The following PGBD5 variants were observed in gnomAD, a reference collection of about 807,000 sequenced individuals.
PGBD5 encodes the protein piggyBac transposable element derived 5.
Under a neutral mutation model 47.9 loss-of-function variants are expected in PGBD5, and 14 were observed. The observed-to-expected ratio is 0.29, with a 90% CI of 0.19 to 0.46. The LOEUF (loss-of-function observed/expected upper bound fraction) is 0.46. Ranked by LOEUF, PGBD5 falls within the 20% of genes least tolerant of loss-of-function variation. PGBD5 has a pLI of 1.00. For missense variants in PGBD5, 635 were observed against 716.0 expected (o/e 0.89, Z 1.29); for synonymous variants, 316 against 306.3 (o/e 1.03, Z -0.33).
Position 230,315,933 on chromosome 1 carries a change from T to TACATATGTATATGTGTACAC in PGBD5, c.*7491_*7492insGTGTACACATATACATATGT, listed in dbSNP as rs755284271. The TACATATGTATATGTGTACAC allele has an allele frequency of 8.1e-6, 1 of 123,092 alleles. No individual in the cohort carries two copies. The highest frequency in any genetic ancestry group is 3.0e-5 in the African/African-American group (1 of 32,820). 7.6% of individuals were successfully genotyped at this position (123,092 alleles called of 1,614,324 possible). A position where few individuals can be genotyped will look rare whatever the true frequency, so the allele number is the denominator to read the frequency against. ...ATGTATATGTGTATATGTGTACACATATATGTATGTGTATACATACATAAG... is the reference window on the plus strand; with the variant it reads ...ATGTATATGTGTATATGTGTACACATACATATGTATATGTGTACACATATGTATGTGTATACATACATAAG... On this transcript the variant is annotated 3_prime_UTR_variant, in exon 7 of 7. Transcript: ENST00000391860.
rs1442075682 is a variant in PGBD5 at position 230,351,297 on chromosome 1, G to A, written c.760-205C>T. ...ACTGTTTCCAGAAAGGATGCAGTAA[G>A]AAAGGATTCAACATGCAAAATAGCA... is the stretch of plus-strand genomic sequence containing the variant. On this transcript the variant is annotated intron_variant, in intron 2 of 6. Transcript: ENST00000391860. Among the ~76,000 whole-genome samples the A allele has an allele frequency of 2.0e-5, 3 of 152,228 alleles. No homozygotes were observed. In the East Asian group the frequency reaches 5.8e-4, roughly 29 times the overall value.
At chr1:230,364,127 C>T (rs1667790806) in intron 1 of PGBD5, among the ~76,000 whole-genome samples, 1 of 152,236 alleles carries the variant, frequency 6.6e-6, no homozygotes, top group African/African-American at 2.4e-5. Flanking sequence ...TTGTTCACAA[C>T]TAAGTGACCA....
chr1:230,347,629 G>A (rs924552379), intron 3 of PGBD5, among the ~76,000 whole-genome samples: 35 of 151,908 alleles, frequency 2.3e-4, no homozygotes, highest in African/African-American at 5.8e-4. Context: ...ACAGGCATGC[G>A]CCACCATGCC....
intron 1 of PGBD5, among the ~76,000 whole-genome samples, chr1:230,404,099 T>C (rs958808788): frequency 5.0e-4 from 76 of 152,106 alleles, no homozygotes; most frequent in African/African-American, 1.6e-3. Flanking sequence ...GAGTGGAAGA[T>C]GCCGGGTGGA....
chr1:230,332,849 T>A lies in PGBD5; in HGVS notation c.1268A>T (p.Gln423Leu), dbSNP rs1667243062. The A allele has an allele frequency of 1.9e-6, 3 of 1,614,194 alleles. No individual in the cohort carries two copies. The highest frequency in any genetic ancestry group is 2.5e-6 in the Non-Finnish European group (3 of 1,180,018). The change falls in exon 5 of 7, where the codon CAG becomes CTG. Residue 423 changes from glutamine (Q) to leucine (L), a missense_variant. Coordinates refer to ENST00000391860, the MANE Select transcript of PGBD5 (RefSeq NM_001258311.2). ...RFLTNAYSPV[Q>L]QGVIIKRKSG... Reference sequence around the variant, plus strand: ...AATGGCGGACCCGCACTCACCCTGCTGCACCGGGGAGTAGGCGTTGGTCAG... The same window carrying A: ...AATGGCGGACCCGCACTCACCCTGCAGCACCGGGGAGTAGGCGTTGGTCAG...
At chr1:230,389,432 C>T (rs916244024) in intron 1 of PGBD5, among the ~76,000 whole-genome samples, 2 of 152,144 alleles carry the variant, frequency 1.3e-5, no homozygotes, top group Non-Finnish European at 2.9e-5. Flanking sequence ...CTCAGCCTCC[C>T]AAAGTGCTGG....
At chr1:230,402,608 C>A (rs757379590) in intron 1 of PGBD5, among the ~76,000 whole-genome samples, 40 of 152,036 alleles carry the variant, frequency 2.6e-4, no homozygotes, top group Non-Finnish European at 4.7e-4. Context: ...TACATACCAC[C>A]ACTCCTGGCT....
intron 1 of PGBD5, among the ~76,000 whole-genome samples, chr1:230,393,653 G>A (rs1042205682): frequency 5.9e-5 from 9 of 151,876 alleles, no homozygotes; most frequent in East Asian, 5.8e-4. Flanking sequence ...GTGAAACCCC[G>A]TCTCTACTAA....
intron 1 of PGBD5, among the ~76,000 whole-genome samples, chr1:230,408,899 T>C (rs1657352614): frequency 6.6e-6 from 1 of 152,064 alleles, no homozygotes; most frequent in Non-Finnish European, 1.5e-5. Context: ...AAGGACATCA[T>C]GAAGAGAGTG....
chr1:230,341,936 T>C (rs554476131), intron 3 of PGBD5, among the ~76,000 whole-genome samples: 1 of 152,330 alleles, frequency 6.6e-6, no homozygotes, highest in Admixed American at 6.5e-5. Flanking sequence ...TGCAAGTTTA[T>C]TACTATATGG....
intron 1 of PGBD5, among the ~76,000 whole-genome samples, chr1:230,416,487 T>C (rs575313124): frequency 6.6e-6 from 1 of 152,300 alleles, no homozygotes; most frequent in Admixed American, 6.5e-5. Flanking sequence ...CCACACATGA[T>C]AAATAAATTA....
At chr1:230,411,091 A>T (rs962220323) in intron 1 of PGBD5, among the ~76,000 whole-genome samples, 1 of 152,166 alleles carries the variant, frequency 6.6e-6, no homozygotes, top group Admixed American at 6.5e-5. Context: ...AGCCTAGGCA[A>T]CATAGCAAGA....
chr1:230,360,988 G>A (rs1301158292), intron 1 of PGBD5, among the ~76,000 whole-genome samples: 1 of 152,162 alleles, frequency 6.6e-6, no homozygotes, highest in African/African-American at 2.4e-5. Context: ...GCAGCCCAAG[G>A]GCATCCACTC....
At chr1:230,384,181 A>C (rs1656582021) in intron 1 of PGBD5, among the ~76,000 whole-genome samples, 1 of 152,228 alleles carries the variant, frequency 6.6e-6, no homozygotes, top group Non-Finnish European at 1.5e-5. Context: ...TTTAGGTTAC[A>C]TTTAAAAGTA....
chr1:230,375,652 C>CTTT lies in PGBD5; in HGVS notation c.332-18334_332-18332dup, dbSNP rs199545872. Among the ~76,000 whole-genome samples, 260 of 105,650 alleles carry CTTT rather than the reference C, an allele frequency of 2.5e-3. 19 individuals carry two copies. The highest frequency in any genetic ancestry group is 9.9e-3 in the African/African-American group (223 of 22,414). The allele number at this position is 105,650 out of a possible 152,430, so 69.3% of individuals were successfully genotyped here. ...AAGGTCATCTGAGCTTCCTATTTGA[C>CTTT]TTTTTTTTTTTTTTTTTTTTTTTTT... On this transcript the variant is annotated intron_variant, in intron 1 of 6. Transcript: ENST00000391860.
intron 4 of PGBD5, among the ~76,000 whole-genome samples, chr1:230,335,790 CAGGCACAAAG>C (rs200009731): frequency 3.5e-5 from 4 of 115,154 alleles, no homozygotes; most frequent in African/African-American, 8.5e-5. Context: ...CACACACACA[CAGGCACAAAG>C]ACACACAGAC....
intron 1 of PGBD5, among the ~76,000 whole-genome samples, chr1:230,403,353 A>G (rs1657190614): frequency 6.6e-6 from 1 of 152,210 alleles, no homozygotes; most frequent in African/African-American, 2.4e-5. Flanking sequence ...CAGGTATCTG[A>G]GTGAAGATGG....
intron 5 of PGBD5, 34 bp downstream of exon 5, chr1:230,332,810 C>T (rs774648039): frequency 8.4e-5 from 135 of 1,612,466 alleles, no homozygotes; most frequent in Non-Finnish European, 1.0e-4. Context: ...AATCCCCGCG[C>T]GCCCCACTGT....
At position 230,323,441 on chromosome 1, in the gene PGBD5, G is replaced by T. The variant is rs549741377; in HGVS notation, c.1559C>A (p.Ala520Asp). 3.0e-5 allele frequency: 49 copies of T among 1,613,774 alleles called. No individual in the cohort carries two copies. In the South Asian group the frequency reaches 5.2e-4, roughly 17 times the overall value. Residue 520 changes from alanine to aspartate, a missense_variant, in exon 7 of 7, where the codon GCC becomes GAC. By Grantham distance (126) the Ala-to-Asp change is moderately radical. Coordinates refer to ENST00000391860, the MANE Select transcript of PGBD5 (RefSeq NM_001258311.2). This position sits in a 1 kb window ranked among gnomAD's most constrained non-coding sequence, Gnocchi z 4.1. ...CCCCCAGCATCAGTGGGTCGGAGAG[G>T]CATCCTCCAAGCCCAGCAGCTCTCT... ...LVRELLGLED[A>D]SPTH
Sources: gnomAD v4.1 joint callset for allele counts (sites outside exome capture counted in the v4.1 genomes callset) on GRCh38, gnomAD v4.1.1 for gene constraint, Gnocchi (gnomAD v3.1) non-coding constraint, MANE v1.5 for transcripts, NCBI Gene and HGNC (gene_info 2026-07-23, HGNC 2026-07-21) for gene names.